Variants in MIDEAS observed in about 807,000 individuals in gnomAD.
MIDEAS encodes mitotic deacetylase-associated SANT domain protein.
Under a neutral mutation model 102.7 loss-of-function variants are expected in MIDEAS, and 26 were observed. The observed-to-expected ratio is 0.25, with a 90% CI of 0.19 to 0.35. MIDEAS has a LOEUF of 0.35. Ranked by LOEUF, MIDEAS falls within the 10% of genes least tolerant of loss-of-function variation. The pLI, the probability that MIDEAS is intolerant of heterozygous loss-of-function variation, is 1.00. For missense variants in MIDEAS, 1,231 were observed against 1,435.6 expected, an observed-to-expected ratio of 0.86 and a Z score of 2.30; for synonymous variants, 585 against 591.0, an observed-to-expected ratio of 0.99 and a Z score of 0.15.
intron 3 of MIDEAS, among the ~76,000 whole-genome samples, chr14:73,732,917 C>T (rs2053157939): frequency 6.6e-6 from 1 of 151,186 alleles, no homozygotes; most frequent in East Asian, 1.9e-4. Flanking sequence ...ATAGTGAAAC[C>T]CCATCTCTAC....
intron 7 of MIDEAS, 57 bp downstream of exon 7, chr14:73,726,547 T>C (rs1160113251): frequency 2.6e-6 from 4 of 1,539,548 alleles, no homozygotes; most frequent in East Asian, 2.3e-5. Flanking sequence ...GCAGCAGACA[T>C]GGATCCAAGC....
chr14:73,752,527 C>T (rs552679213), intron 1 of MIDEAS, among the ~76,000 whole-genome samples: 2 of 152,072 alleles, frequency 1.3e-5, no homozygotes, highest in Admixed American at 6.6e-5. Flanking sequence ...GAGTAAAGAA[C>T]GGGGGCAATA....
chr14:73,776,529 C>CAA (rs71460920), intron 1 of MIDEAS, among the ~76,000 whole-genome samples: 7,394 of 113,084 alleles, frequency 0.065, 398 homozygotes, highest in African/African-American at 0.16. Context: ...GTTTAAATTA[C>CAA]AAAAAAAAAA....
At chr14:73,736,353 C>T (rs2053199464) in intron 3 of MIDEAS, among the ~76,000 whole-genome samples, 1 of 152,008 alleles carries the variant, frequency 6.6e-6, no homozygotes. Context: ...AGATGTCGGC[C>T]AGGCGCGGTG....
At chr14:73,772,000 C>T (rs2053646400) in intron 1 of MIDEAS, among the ~76,000 whole-genome samples, 1 of 152,226 alleles carries the variant, frequency 6.6e-6, no homozygotes, top group South Asian at 2.1e-4. Context: ...CTCAAAGCCT[C>T]ACGTGCTCAC....
intron 4 of MIDEAS, among the ~76,000 whole-genome samples, 172 bp downstream of exon 4, chr14:73,729,468 C>G (rs1375467210): frequency 6.6e-6 from 1 of 152,176 alleles, no homozygotes; most frequent in Admixed American, 6.5e-5. Context: ...GGGCCCCCCA[C>G]CCCTCCTTGT....
chr14:73,737,014 G>T lies in MIDEAS; in HGVS notation c.1733C>A (p.Thr578Lys). ...TRRRSTRIPG[T>K]DAQAQAEDMN... The stretch of plus-strand genomic sequence containing the variant: ...CTCTCATACCTGAGCTTGAGCATCT[G>T]TCCCGGGGATTCGGGTGGACCGCCT... The change falls in exon 3 of 13, where the codon ACA becomes AAA. Residue 578 changes from threonine (T) to lysine (K), a missense_variant. This residue lies in a region of MIDEAS where 758 missense variants were observed against 856.0 expected (regional missense o/e 0.89). Coordinates refer to ENST00000423556, the MANE Select transcript of MIDEAS (RefSeq NM_001367710.1). 1.9e-6 allele frequency: 3 copies of T among 1,613,076 alleles called. No individual in the cohort carries two copies. Among genetic ancestry groups the T allele is most frequent in the Non-Finnish European group, 2.5e-6 (3 of 1,179,682 alleles).
rs1379244623 is a variant in MIDEAS at position 73,717,336 on chromosome 14, C to T, written c.*1507G>A. On this transcript the variant is annotated 3_prime_UTR_variant, in exon 13 of 13. Coordinates refer to ENST00000423556, the MANE Select transcript of MIDEAS (RefSeq NM_001367710.1). ...TATGGGACTGGAAGTGAAGGGGCCT[C>T]CAGAACCTCCTGGCCCTTTCACTTC... 1 of 152,206 alleles carries T rather than the reference C, an allele frequency of 6.6e-6. No individual in the cohort carries two copies. The highest frequency in any genetic ancestry group is 1.5e-5 in the Non-Finnish European group (1 of 68,044). The allele number at this position is 152,206 out of a possible 1,614,324, so 9.4% of individuals were successfully genotyped here.
chr14:73,780,487 A>G (rs1352353205), intron 1 of MIDEAS, among the ~76,000 whole-genome samples: 2 of 152,184 alleles, frequency 1.3e-5, no homozygotes, highest in Admixed American at 1.3e-4. Context: ...CGGGTTCTTC[A>G]TTCTTTCACT....
chr14:73,769,914 G>T (rs4903145), intron 1 of MIDEAS, among the ~76,000 whole-genome samples: 71,161 of 116,358 alleles, frequency 0.61, 18,616 homozygotes, highest in African/African-American at 0.68. Flanking sequence ...TTTTTTTTTT[G>T]TTTTTTTTTT....
upstream of MIDEAS, among the ~76,000 whole-genome samples, chr14:73,788,154 TG>T (rs776768260): frequency 2.4e-3 from 325 of 134,534 alleles, no homozygotes; most frequent in Admixed American, 5.1e-3. Context: ...CCTTTGCTGG[TG>T]AAAAAAAAAA....
chr14:73,729,604 C>T (rs377341968), intron 4 of MIDEAS, 36 bp downstream of exon 4: 45 of 1,547,006 alleles, frequency 2.9e-5, no homozygotes, highest in Non-Finnish European at 3.8e-5. Flanking sequence ...TGCCCCAGCC[C>T]CGCTCCTGCC....
At chr14:73,727,716 G>A (rs2053083416) in intron 4 of MIDEAS, 192 bp from the exon 5 acceptor site, 6 of 564,052 alleles carry the variant, frequency 1.1e-5, no homozygotes, top group Non-Finnish European at 1.5e-5. Context: ...AAATATTTGG[G>A]TGCCTCAGTT....
At chr14:73,746,071 T>TA (rs2053347976) in intron 1 of MIDEAS, among the ~76,000 whole-genome samples, 2 of 152,132 alleles carry the variant, frequency 1.3e-5, no homozygotes, top group East Asian at 1.9e-4. Flanking sequence ...GCTTACACAG[T>TA]AAAAATGCCA....
intron 1 of MIDEAS, among the ~76,000 whole-genome samples, chr14:73,745,698 A>G (rs1441317978): frequency 1.3e-5 from 2 of 152,002 alleles, no homozygotes; most frequent in African/African-American, 4.8e-5. Context: ...GCAATGCTAC[A>G]TGCACCCCCA....
chr14:73,736,553 C>A (rs1232707875), intron 3 of MIDEAS, among the ~76,000 whole-genome samples: 1 of 151,916 alleles, frequency 6.6e-6, no homozygotes, highest in Non-Finnish European at 1.5e-5. Flanking sequence ...ATGGTGTGAA[C>A]CCAGGAGGCG....
chr14:73,729,869 G>T lies in MIDEAS; in HGVS notation c.1866C>A (p.Pro622=), dbSNP rs763755865. ...PTKAGTFIAP[P]VYSNITPYQS... Reference sequence around the variant, plus strand: ...GGTATGGGGTGATGTTGGAGTAGACGGGAGGGGCGATGAAAGTGCCCGCCT... The same window carrying T: ...GGTATGGGGTGATGTTGGAGTAGACTGGAGGGGCGATGAAAGTGCCCGCCT... Residue 622 remains proline (P), a synonymous_variant, in exon 4 of 13, where the codon CCC becomes CCA. Coordinates refer to ENST00000423556, the MANE Select transcript of MIDEAS (RefSeq NM_001367710.1). 1 of 1,613,850 alleles carries T rather than the reference G, an allele frequency of 6.2e-7. No individual in the cohort carries two copies. The highest frequency in any genetic ancestry group is 8.5e-7 in the Non-Finnish European group (1 of 1,179,874).
At chr14:73,761,733 G>A (rs78311157), upstream of MIDEAS, among the ~76,000 whole-genome samples, 3,275 of 152,226 alleles carry the variant, frequency 0.022, 63 homozygotes, top group Non-Finnish European at 0.03. Context: ...ATTGTTCCTG[G>A]CAGCTCTCAG....
intron 1 of MIDEAS, among the ~76,000 whole-genome samples, chr14:73,774,021 CAAAAAAA>C (rs11322935): frequency 1.8e-5 from 2 of 113,038 alleles, no homozygotes; most frequent in Non-Finnish European, 3.7e-5. Context: ...GACTGAATCT[CAAAAAAA>C]AAAAAAAAAA....
Sources: allele counts gnomAD v4.1 joint callset (sites outside exome capture counted in the v4.1 genomes callset), GRCh38; gene constraint gnomAD v4.1.1; regional missense constraint gnomAD v4.1.1; transcripts MANE v1.5; gene names NCBI Gene and HGNC (gene_info 2026-07-23, HGNC 2026-07-21).